BRF1: variants seen among roughly 807,000 people sequenced by gnomAD.
The protein encoded by BRF1 is BRF1 general transcription factor IIIB subunit.
A neutral mutation model predicts 81.7 loss-of-function variants in BRF1; 59 were observed. The ratio of observed to expected loss-of-function variants is 0.72; its 90% CI spans 0.59 to 0.90. BRF1 has a LOEUF of 0.90. Ranked by LOEUF, BRF1 falls within the 40% of genes least tolerant of loss-of-function variation. BRF1 has a pLI of 0.00. For missense variants in BRF1, 1,050 were observed against 936.3 expected (o/e 1.12, Z -1.58); for synonymous variants, 491 against 395.6 (o/e 1.24, Z -2.86).
Position 105,300,647 on chromosome 14 carries a change from C to A in BRF1, c.-18G>T. 7.4e-7 allele frequency: 1 copy of A among 1,349,548 alleles called. No homozygotes were observed. Among genetic ancestry groups the A allele is most frequent in the Non-Finnish European group, 9.4e-7 (1 of 1,061,538 alleles). The allele number at this position is 1,349,548 out of a possible 1,614,324, so 83.6% of individuals were successfully genotyped here. A position where few individuals can be genotyped will look rare whatever the true frequency, so the allele number is the denominator to read the frequency against. On this transcript the variant is annotated 5_prime_UTR_variant, in exon 1 of 18. Transcript: ENST00000547530. The stretch of plus-strand genomic sequence containing the variant: ...CCCGTCATGCCGGCGACCGCGCGGG[C>A]AGCGCCCGGAGCCTCCCAAGACTCT...
intron 2 of BRF1, among the ~76,000 whole-genome samples, chr14:105,275,329 CAT>C (rs1471096821): frequency 6.6e-6 from 1 of 152,202 alleles, no homozygotes; most frequent in Non-Finnish European, 1.5e-5. Flanking sequence ...GCCTAGAGCT[CAT>C]ACAGCTCTGA....
chr14:105,313,828 C>T (rs779116937), intron 1 of BRF1, among the ~76,000 whole-genome samples: 1 of 152,260 alleles, frequency 6.6e-6, no homozygotes, highest in Non-Finnish European at 1.5e-5. Flanking sequence ...TGGACCACAG[C>T]CGCTGCCAAA....
At chr14:105,256,264 A>T (rs948153915) in intron 4 of BRF1, 54 of 1,544,370 alleles carry the variant, frequency 3.5e-5, no homozygotes, top group Non-Finnish European at 4.4e-5. Flanking sequence ...AGGCCTAGCT[A>T]ACACCCAACC....
chr14:105,243,817 G>A (rs1012133724), intron 5 of BRF1, among the ~76,000 whole-genome samples: 12 of 152,142 alleles, frequency 7.9e-5, no homozygotes, highest in Non-Finnish European at 1.3e-4. Flanking sequence ...CCAATATAGT[G>A]AAACCCCATC....
At chr14:105,268,696 T>TG (rs1255763191) in intron 3 of BRF1, among the ~76,000 whole-genome samples, 2 of 152,156 alleles carry the variant, frequency 1.3e-5, no homozygotes, top group African/African-American at 2.4e-5. Flanking sequence ...AGGAGGATCC[T>TG]GGGGGGCCTC....
intron 5 of BRF1, chr14:105,247,013 T>C: frequency 1.0e-6 from 1 of 985,472 alleles, no homozygotes; most frequent in Non-Finnish European, 1.2e-6. Context: ...GATGGACATG[T>C]AGGCTGTCTC....
intron 3 of BRF1, among the ~76,000 whole-genome samples, chr14:105,261,709 C>A (rs1165267962): frequency 6.6e-6 from 1 of 152,262 alleles, no homozygotes; most frequent in Non-Finnish European, 1.5e-5. Context: ...GTATATAGAG[C>A]CCCACAGAAA....
chr14:105,274,433 C>T (rs1274097147), intron 2 of BRF1, among the ~76,000 whole-genome samples: 5 of 152,154 alleles, frequency 3.3e-5, no homozygotes, highest in Admixed American at 1.3e-4. Context: ...TCCCACCTGA[C>T]GAGATATACC....
chr14:105,258,976 G>A (rs587740153), intron 3 of BRF1, among the ~76,000 whole-genome samples: 5 of 152,256 alleles, frequency 3.3e-5, no homozygotes, highest in Middle Eastern at 3.4e-3. Context: ...CCACGAGCCC[G>A]CGACGTCACT....
In BRF1 at chr14:105,240,997, C is replaced by T. The variant is rs898890717; in HGVS notation, c.694+268G>A. On this transcript the variant is annotated intron_variant, in intron 6 of 17. Coordinates refer to ENST00000547530, the MANE Select transcript of BRF1 (RefSeq NM_001519.4). ...GGGCAGGGATGCCCATGCAGCCGCACCCCAGAAGTAGGCAACCTGGGGTCA... is the reference window on the plus strand; with the variant it reads ...GGGCAGGGATGCCCATGCAGCCGCATCCCAGAAGTAGGCAACCTGGGGTCA... 5.3e-5 allele frequency among the ~76,000 whole-genome samples: 8 copies of T among 152,320 alleles called. No homozygotes were observed. The South Asian group carries it at 8.3e-4, about 16-fold the overall frequency.
intron 10 of BRF1, among the ~76,000 whole-genome samples, chr14:105,223,588 C>T (rs757153455): frequency 6.6e-6 from 1 of 152,208 alleles, no homozygotes; most frequent in Non-Finnish European, 1.5e-5. Flanking sequence ...CGGAATTCTA[C>T]AGAATACAAC....
At chr14:105,302,943 C>CT (rs60827892), upstream of BRF1, among the ~76,000 whole-genome samples, 297 of 146,794 alleles carry the variant, frequency 2.0e-3, 2 homozygotes, top group East Asian at 0.01. Context: ...TTCTCTAGTT[C>CT]TTTTTTTTTT....
chr14:105,293,876 T>C (rs1439920863), intron 1 of BRF1, among the ~76,000 whole-genome samples: 1 of 152,194 alleles, frequency 6.6e-6, no homozygotes, highest in East Asian at 1.9e-4. Context: ...ACTGCGAAGC[T>C]GTATCAGGCT....
Position 105,221,738 on chromosome 14 carries a change from C to A in BRF1, c.1225G>T (p.Gly409Trp). ...PEWGGRPPALGSLLDPLPTAA... is the reference protein window; with the variant it reads ...PEWGGRPPALWSLLDPLPTAA... ...GTGGGGAGGGGGTCCAGCAGGGACC[C>A]CAGGGCCGGAGGTCTGCCGCCCCAC... The change falls in exon 11 of 18, where the codon GGG becomes TGG. Residue 409 changes from glycine to tryptophan, a missense_variant. Around this residue, in one of 2 missense-constraint regions of BRF1, gnomAD observed 1,043 missense variants for 915.4 expected, o/e 1.14. Transcript: ENST00000547530. 6.2e-7 allele frequency: 1 copy of A among 1,610,478 alleles called. No homozygotes were observed. The highest frequency in any genetic ancestry group is 8.5e-7 in the Non-Finnish European group (1 of 1,179,488).
Position 105,209,748 on chromosome 14 carries a change from G to C in BRF1, c.*803C>G, listed in dbSNP as rs183961788. The C allele has an allele frequency of 2.0e-5, 12 of 596,352 alleles. No homozygotes were observed. Among genetic ancestry groups the C allele is most frequent in the Admixed American group, 1.4e-4 (5 of 34,628 alleles). 36.9% of individuals were successfully genotyped at this position (596,352 alleles called of 1,614,324 possible). On this transcript the variant is annotated 3_prime_UTR_variant, in exon 18 of 18. Coordinates refer to ENST00000547530, the MANE Select transcript of BRF1 (RefSeq NM_001519.4). ...CCAGGACACTATGCAGGCTATGCCC[G>C]CACTGCCTACAGAGCTATGCTCAGG...
Position 105,227,718 on chromosome 14 carries a change from T to A in BRF1, c.789-958A>T, listed in dbSNP as rs1434492441. The A allele has an allele frequency of 5.3e-5, 8 of 152,306 alleles. No individual in the cohort carries two copies. In the East Asian group the frequency reaches 1.3e-3, roughly 26 times the overall value. The allele number at this position is 152,306 out of a possible 1,614,324, so 9.4% of individuals were successfully genotyped here. The stretch of plus-strand genomic sequence containing the variant: ...GGCAGGAAGGGGCCCTGCAGGCCTG[T>A]GAGCCATGGGGCTCAGTTCTTACGA... On this transcript the variant is annotated intron_variant, in intron 7 of 17. Coordinates refer to ENST00000547530, the MANE Select transcript of BRF1 (RefSeq NM_001519.4).
chr14:105,282,750 T>C (rs1255136843), intron 2 of BRF1, among the ~76,000 whole-genome samples: 1 of 152,056 alleles, frequency 6.6e-6, no homozygotes, highest in African/African-American at 2.4e-5. Context: ...CTGGCCAACA[T>C]GGCAAAACCA....
At chr14:105,229,542 C>A (rs1320831661) in intron 6 of BRF1, among the ~76,000 whole-genome samples, 2 of 152,208 alleles carry the variant, frequency 1.3e-5, no homozygotes, top group African/African-American at 4.8e-5. Context: ...AGGCCACGGC[C>A]ACATCCACCC....
At position 105,209,357 on chromosome 14, in the gene BRF1, G is replaced by A; in HGVS notation, c.*1194C>T. On this transcript the variant is annotated 3_prime_UTR_variant, in exon 18 of 18. Transcript: ENST00000547530. Reference sequence around the variant, plus strand: ...TTCCCCCAAGCCCTCGAGAAGCCCTGGCAGGACCCAGGCTGGCTACTGAGC... The same window carrying A: ...TTCCCCCAAGCCCTCGAGAAGCCCTAGCAGGACCCAGGCTGGCTACTGAGC... The A allele has an allele frequency of 1.7e-6, 1 of 582,916 alleles. No individual in the cohort carries two copies. The highest frequency in any genetic ancestry group is 3.1e-6 in the Non-Finnish European group (1 of 326,484). 36.1% of individuals were successfully genotyped at this position (582,916 alleles called of 1,614,324 possible).
Sources: gnomAD v4.1 joint callset for allele counts (sites outside exome capture counted in the v4.1 genomes callset) on GRCh38, gnomAD v4.1.1 for gene constraint, gnomAD v4.1.1 regional missense constraint, MANE v1.5 for transcripts, NCBI Gene and HGNC (gene_info 2026-07-23, HGNC 2026-07-21) for gene names.